SYNPO2: variants seen among roughly 807,000 people sequenced by gnomAD.
SYNPO2 encodes synaptopodin-2.
In SYNPO2, 56 loss-of-function variants were observed where a neutral mutation model predicts 85.0. The ratio of observed to expected loss-of-function variants is 0.66; its 90% CI spans 0.53 to 0.82. The LOEUF is 0.82. SYNPO2 is among the 40% of genes least tolerant of loss of function. The pLI, the probability that SYNPO2 is intolerant of heterozygous loss-of-function variation, is 0.00. For synonymous variants in SYNPO2, 602 were observed against 591.1 expected, an observed-to-expected ratio of 1.02 and a Z score of -0.27; for missense variants, 1,575 against 1,534.2, an observed-to-expected ratio of 1.03 and a Z score of -0.44.
intron 1 of SYNPO2, among the ~76,000 whole-genome samples, chr4:118,982,948 CTACTCAGATGAGTAGCTTCT>C (rs67758349): frequency 0.079 from 11,993 of 152,246 alleles, 579 homozygotes; most frequent in East Asian, 0.13. Flanking sequence ...CTAATGGAAG[CTACTCAGATGAGTAGCTTCT>C]TTAGTGCAAC....
chr4:118,872,687 A>G (rs555513347), intron 1 of SYNPO2, among the ~76,000 whole-genome samples: 13 of 152,224 alleles, frequency 8.5e-5, no homozygotes, highest in Admixed American at 7.2e-4. Context: ...TCAGTGAACT[A>G]TCTTTCCTCA....
At chr4:119,051,418 C>T (rs979300017) in intron 4 of SYNPO2, among the ~76,000 whole-genome samples, 1 of 151,520 alleles carries the variant, frequency 6.6e-6, no homozygotes, top group African/African-American at 2.4e-5. Flanking sequence ...GTCTCGATCT[C>T]CTGACCTCGT....
intron 1 of SYNPO2, among the ~76,000 whole-genome samples, chr4:118,898,086 C>G (rs1317830383): frequency 6.6e-6 from 1 of 152,076 alleles, no homozygotes; most frequent in African/African-American, 2.4e-5. Flanking sequence ...GCAAGATTTT[C>G]CATGTCTTCT....
chr4:118,885,423 G>A (rs1256080615), upstream of SYNPO2, among the ~76,000 whole-genome samples: 1 of 151,964 alleles, frequency 6.6e-6, no homozygotes, highest in East Asian at 1.9e-4. Context: ...TAGGAAATGA[G>A]GGAAGGAGCA....
intron 1 of SYNPO2, among the ~76,000 whole-genome samples, chr4:119,019,410 A>G (rs945488495): frequency 1.3e-5 from 2 of 152,208 alleles, no homozygotes; most frequent in African/African-American, 4.8e-5. Flanking sequence ...GAATGTTTTC[A>G]AAGGAAAGGA....
chr4:118,992,063 C>T (rs1231769019), intron 1 of SYNPO2, among the ~76,000 whole-genome samples: 3 of 151,996 alleles, frequency 2.0e-5, no homozygotes, highest in Non-Finnish European at 4.4e-5. Flanking sequence ...CTCACTTTAG[C>T]CTGGAGGAAA....
At chr4:118,882,071 A>G (rs1237885282) in intron 1 of SYNPO2, among the ~76,000 whole-genome samples, 1 of 152,256 alleles carries the variant, frequency 6.6e-6, no homozygotes, top group East Asian at 1.9e-4. Flanking sequence ...TCAGAAGTTA[A>G]CAATAAGCAT....
intron 1 of SYNPO2, among the ~76,000 whole-genome samples, chr4:119,007,303 TACACGC>T (rs1737116352): frequency 4.1e-5 from 3 of 72,940 alleles, no homozygotes; most frequent in African/African-American, 9.9e-5. Context: ...TATATGTATA[TACACGC>T]ACATATAGGC....
intron 1 of SYNPO2, among the ~76,000 whole-genome samples, chr4:119,007,322 A>ACT (rs5861404): frequency 0.58 from 64,180 of 111,532 alleles, 19,977 homozygotes; most frequent in South Asian, 0.65. Flanking sequence ...ATATAGGCAT[A>ACT]CTCTATTTTA....
intron 1 of SYNPO2, among the ~76,000 whole-genome samples, chr4:118,924,920 G>C (rs555699373): frequency 6.6e-6 from 1 of 152,242 alleles, no homozygotes; most frequent in Admixed American, 6.5e-5. Flanking sequence ...ACATACTACT[G>C]GTTTATAGAA....
intron 4 of SYNPO2, chr4:119,035,856 G>T (rs553019958): frequency 2.0e-6 from 2 of 984,212 alleles, no homozygotes; most frequent in African/African-American, 1.8e-5. Context: ...ACATTGAAAG[G>T]GGGTAGACTA....
At chr4:119,016,694 GTGTTTGCCTGAAAGAGCTAGGA>G (rs1560983356) in intron 1 of SYNPO2, among the ~76,000 whole-genome samples, 1 of 152,178 alleles carries the variant, frequency 6.6e-6, no homozygotes, top group Non-Finnish European at 1.5e-5. Flanking sequence ...TGCTCTATCA[GTGTTTGCCTGAAAGAGCTAGGA>G]TGTTTACATT....
intron 1 of SYNPO2, among the ~76,000 whole-genome samples, chr4:119,004,332 C>T (rs1317929223): frequency 3.3e-5 from 5 of 151,678 alleles, no homozygotes; most frequent in Non-Finnish European, 5.9e-5. Context: ...CCCATTAACT[C>T]GTCATTTAGC....
rs1321282910 is a variant in SYNPO2 at position 119,030,247 on chromosome 4, G to A, written c.1472G>A (p.Gly491Glu). The A allele has an allele frequency of 6.2e-7, 1 of 1,613,888 alleles. No homozygotes were observed. Reference protein sequence around the residue: ...MEMLPDTTGKGALMFAKRRER... With the variant: ...MEMLPDTTGKEALMFAKRRER... ...ATGTTACCAGACACCACAGGCAAGG[G>A]AGCCCTCATGTTTGCCAAGAGGAGG... is the stretch of plus-strand genomic sequence containing the variant. The change falls in exon 4 of 5, where the codon GGA (glycine) becomes GAA (glutamate). Residue 491 changes from glycine (G) to glutamate (E), a missense_variant. Gly to Glu is a moderately conservative substitution (Grantham distance 98, BLOSUM62 -2). Transcript: ENST00000307142.
chr4:118,872,718 A>G (rs538585904), intron 1 of SYNPO2, among the ~76,000 whole-genome samples: 5 of 152,112 alleles, frequency 3.3e-5, no homozygotes, highest in African/African-American at 1.2e-4. Flanking sequence ...AGACACCTTG[A>G]ATTCCTTCCT....
At position 119,057,744 on chromosome 4, in the gene SYNPO2, A is replaced by G. The variant is rs1739258582; in HGVS notation, c.3596A>G (p.Tyr1199Cys). ...AYMGSCGRQE[Y>C]NVTANNNMST... The stretch of plus-strand genomic sequence containing the variant: ...ATGGGCTCATGTGGAAGGCAAGAGT[A>G]TAATGTCACAGCCAATAATAATATG... The change falls in exon 5 of 5, where the codon TAT (tyrosine) becomes TGT (cysteine). Residue 1199 changes from tyrosine to cysteine, a missense_variant. Physicochemically the swap from Tyr to Cys is radical, Grantham distance 194. This residue lies in a region of SYNPO2 where 1,508 missense variants were observed against 1,446.8 expected (regional missense o/e 1.04). Coordinates refer to ENST00000307142, the MANE Select transcript of SYNPO2 (RefSeq NM_133477.3). 1.2e-6 allele frequency: 2 copies of G among 1,614,194 alleles called. No individual in the cohort carries two copies. Among genetic ancestry groups the G allele is most frequent in the South Asian group, 1.1e-5 (1 of 91,082 alleles).
intron 1 of SYNPO2, among the ~76,000 whole-genome samples, chr4:118,965,327 A>G (rs1735271826): frequency 6.6e-6 from 1 of 151,732 alleles, no homozygotes; most frequent in South Asian, 2.1e-4. Context: ...TTTACCCCAC[A>G]CAGCAGCCAT....
At chr4:118,906,517 G>A (rs11098462) in intron 1 of SYNPO2, among the ~76,000 whole-genome samples, 30,219 of 151,974 alleles carry the variant, frequency 0.2, 3,126 homozygotes, top group African/African-American at 0.26. Context: ...TTTGATTAGA[G>A]CTATTTTAAA....
chr4:118,928,294 C>T (rs903325215), intron 1 of SYNPO2, among the ~76,000 whole-genome samples: 1 of 152,094 alleles, frequency 6.6e-6, no homozygotes, highest in Admixed American at 6.6e-5. Flanking sequence ...AGAATCAAAA[C>T]TTATAAAAAG....
Sources: allele counts gnomAD v4.1 joint callset (sites outside exome capture counted in the v4.1 genomes callset), GRCh38; gene constraint gnomAD v4.1.1; regional missense constraint gnomAD v4.1.1; transcripts MANE v1.5; gene names NCBI Gene and HGNC (gene_info 2026-07-23, HGNC 2026-07-21).